Variants in PTPRT observed in about 807,000 individuals in gnomAD.
PTPRT encodes receptor-type tyrosine-protein phosphatase T.
PTPRT carries 56 observed loss-of-function variants against 176.8 expected under a neutral mutation model. That is an observed-to-expected ratio of 0.32 (90% CI 0.26 to 0.40). The LOEUF (loss-of-function observed/expected upper bound fraction) is 0.40. PTPRT is among the 10% of genes least tolerant of loss of function. The pLI, the probability that PTPRT is intolerant of heterozygous loss-of-function variation, is 1.00. For synonymous variants in PTPRT, 783 were observed against 739.0 expected (o/e 1.06, Z -0.96); for missense variants, 1,540 against 1,908.2 (o/e 0.81, Z 3.60).
chr20:42,750,505 G>C (rs2076755292), intron 6 of PTPRT, among the ~76,000 whole-genome samples: 1 of 152,134 alleles, frequency 6.6e-6, no homozygotes, highest in Admixed American at 6.5e-5. Context: ...AAACTCAAGT[G>C]TATTTAGAAC....
chr20:42,791,446 T>A lies in PTPRT; in HGVS notation c.235A>T (p.Ser79Cys), dbSNP rs536581391. Residue 79 changes from serine (S) to cysteine (C), a missense_variant, in exon 3 of 31, where the codon AGC becomes TGC. Coordinates refer to ENST00000373187, the MANE Select transcript of PTPRT (RefSeq NM_007050.6). ...VPTGSFMMVNSSGRASGQKAH... is the reference protein window; with the variant it reads ...VPTGSFMMVNCSGRASGQKAH... The stretch of plus-strand genomic sequence containing the variant: ...TTCTGGCCAGAGGCTCTCCCAGAGC[T>A]GTTCACCATCATGAAAGATCCTGGA... The A allele has an allele frequency of 3.7e-6, 6 of 1,612,350 alleles. No individual in the cohort carries two copies. In the African/African-American group the frequency reaches 5.3e-5, roughly 14 times the overall value.
At chr20:42,091,809 G>T (rs112291309) in intron 27 of PTPRT, among the ~76,000 whole-genome samples, 1 of 151,808 alleles carries the variant, frequency 6.6e-6, no homozygotes, top group African/African-American at 2.4e-5. Flanking sequence ...GAGAGAGGGG[G>T]GAGAGAGAGA....
chr20:42,088,080 C>A (rs1370552954), intron 27 of PTPRT, among the ~76,000 whole-genome samples: 3 of 152,038 alleles, frequency 2.0e-5, no homozygotes, highest in Admixed American at 2.0e-4. Flanking sequence ...CTGCCTAGGT[C>A]TACAGGTCCC....
intron 2 of PTPRT, among the ~76,000 whole-genome samples, chr20:42,835,476 T>C (rs1210971326): frequency 1.3e-5 from 2 of 152,090 alleles, no homozygotes; most frequent in African/African-American, 4.8e-5. Context: ...AGAATGCCTA[T>C]TTTATTTGGA....
At chr20:42,184,340 A>T (rs1990638884) in intron 16 of PTPRT, among the ~76,000 whole-genome samples, 1 of 152,096 alleles carries the variant, frequency 6.6e-6, no homozygotes, top group Admixed American at 6.6e-5. Flanking sequence ...AGTGTTTAAG[A>T]TTCAACTTCT....
In PTPRT at chr20:42,612,768, A is replaced by T. The variant is rs188227939; in HGVS notation, c.1153+65098T>A. ...ACACTGAATCATCTTTAACAGAAAA[A>T]AAAAAACTAAAACCAACCAAAATTT... On this transcript the variant is annotated intron_variant, in intron 7 of 30. Coordinates refer to ENST00000373187, the MANE Select transcript of PTPRT (RefSeq NM_007050.6). 1.9e-3 allele frequency among the ~76,000 whole-genome samples: 287 copies of T among 152,204 alleles called. 3 individuals are homozygous for T. The highest frequency in any genetic ancestry group is 6.6e-3 in the African/African-American group (276 of 41,548).
chr20:42,711,198 C>A (rs1212624290), intron 6 of PTPRT, among the ~76,000 whole-genome samples: 1 of 152,174 alleles, frequency 6.6e-6, no homozygotes, highest in Non-Finnish European at 1.5e-5. Context: ...TAAGTTAAGA[C>A]TTTGGGGAAC....
intron 9 of PTPRT, among the ~76,000 whole-genome samples, chr20:42,372,926 T>C (rs2058606120): frequency 6.6e-6 from 1 of 152,220 alleles, no homozygotes; most frequent in Non-Finnish European, 1.5e-5. Context: ...CTTTATAAGT[T>C]ATCCTGTGTG....
chr20:43,037,248 C>T (rs1342579047), intron 1 of PTPRT, among the ~76,000 whole-genome samples: 2 of 152,196 alleles, frequency 1.3e-5, no homozygotes, highest in Non-Finnish European at 1.5e-5. Flanking sequence ...TGAAAGACTA[C>T]TATGTGAAAC....
intron 15 of PTPRT, among the ~76,000 whole-genome samples, chr20:42,204,229 A>G (rs188411412): frequency 6.6e-6 from 1 of 151,796 alleles, no homozygotes; most frequent in Non-Finnish European, 1.5e-5. Context: ...AATTAACAAA[A>G]TATTCATGGG....
chr20:42,283,014 A>C (rs935470798), intron 12 of PTPRT, among the ~76,000 whole-genome samples: 4 of 152,158 alleles, frequency 2.6e-5, no homozygotes, highest in Non-Finnish European at 4.4e-5. Context: ...TCAAACTCAA[A>C]CTGCAAAGTT....
At chr20:42,925,846 C>G (rs1979448418) in intron 1 of PTPRT, among the ~76,000 whole-genome samples, 1 of 152,206 alleles carries the variant, frequency 6.6e-6, no homozygotes, top group African/African-American at 2.4e-5. Context: ...CATTCCCTGG[C>G]ACTCTCTGAT....
chr20:42,881,216 C>G (rs564719965), intron 2 of PTPRT, among the ~76,000 whole-genome samples: 60 of 152,310 alleles, frequency 3.9e-4, no homozygotes, highest in African/African-American at 1.4e-3. Context: ...TCACACTGGT[C>G]CCCAAGATAA....
chr20:42,611,147 C>T (rs1170605302), intron 7 of PTPRT, among the ~76,000 whole-genome samples: 1 of 152,118 alleles, frequency 6.6e-6, no homozygotes, highest in African/African-American at 2.4e-5. Flanking sequence ...TACAAGGTTT[C>T]CTGTGGATGT....
At chr20:42,710,450 C>T (rs139175653) in intron 6 of PTPRT, among the ~76,000 whole-genome samples, 238 of 152,342 alleles carry the variant, frequency 1.6e-3, no homozygotes, top group Non-Finnish European at 2.7e-3. Context: ...GCTCAAAGGG[C>T]CCCAGATACA....
chr20:42,391,280 T>C (rs560603236), intron 9 of PTPRT, among the ~76,000 whole-genome samples: 27 of 152,288 alleles, frequency 1.8e-4, no homozygotes, highest in African/African-American at 6.5e-4. Context: ...GAGGAGACTT[T>C]TGTGCTTCAG....
intron 3 of PTPRT, among the ~76,000 whole-genome samples, chr20:42,781,543 C>T (rs532004043): frequency 1.3e-5 from 2 of 152,272 alleles, no homozygotes; most frequent in South Asian, 2.1e-4. Flanking sequence ...TACCCTATAT[C>T]TCCAAACCCT....
At chr20:42,190,367 C>T (rs1403239700) in intron 16 of PTPRT, among the ~76,000 whole-genome samples, 3 of 152,278 alleles carry the variant, frequency 2.0e-5, no homozygotes, top group Middle Eastern at 3.4e-3. Flanking sequence ...GTTGAGATTC[C>T]CAGATTCGGG....
intron 9 of PTPRT, among the ~76,000 whole-genome samples, chr20:42,407,163 A>G (rs1157210067): frequency 6.6e-6 from 1 of 152,138 alleles, no homozygotes; most frequent in Non-Finnish European, 1.5e-5. Context: ...TGGGAGCCCT[A>G]GGAATCCCTA....
Sources: gnomAD v4.1 joint callset for allele counts (sites outside exome capture counted in the v4.1 genomes callset) on GRCh38, gnomAD v4.1.1 for gene constraint, MANE v1.5 for transcripts, NCBI Gene and HGNC (gene_info 2026-07-23, HGNC 2026-07-21) for gene names.